Variants in NDUFAF5 observed in about 807,000 individuals in gnomAD.
The protein encoded by NDUFAF5 is NADH:ubiquinone oxidoreductase complex assembly factor 5, also known as arginine-hydroxylase NDUFAF5, mitochondrial.
In NDUFAF5, 34 loss-of-function variants were observed where a neutral mutation model predicts 48.9. The ratio of observed to expected loss-of-function variants is 0.70; its 90% CI spans 0.53 to 0.93. NDUFAF5 has a LOEUF of 0.93. NDUFAF5 is among the 40% of genes least tolerant of loss of function. NDUFAF5 has a pLI of 0.00. For missense variants in NDUFAF5, 428 were observed against 427.5 expected, an observed-to-expected ratio of 1.00 and a Z score of -0.01; for synonymous variants, 153 against 150.6, an observed-to-expected ratio of 1.02 and a Z score of -0.12.
At chr20:13,794,744 T>A (rs1247890931) in intron 4 of NDUFAF5, 94 bp from the exon 5 acceptor site, 1 of 856,948 alleles carries the variant, frequency 1.2e-6, no homozygotes, top group Non-Finnish European at 1.9e-6. Flanking sequence ...GCCAAGTAAA[T>A]ATAACATTGA....
chr20:13,807,948 T>TA (rs11349642), intron 7 of NDUFAF5, among the ~76,000 whole-genome samples: 24 of 148,188 alleles, frequency 1.6e-4, no homozygotes, highest in South Asian at 6.5e-4. Flanking sequence ...GAATCCGTCT[T>TA]AAAAAAAAAA....
rs548118083 is a variant in NDUFAF5, at chr20:13,817,892, C to G, written c.*682C>G. Reference sequence around the variant, plus strand: ...TCCAAGTTCACAGTCCTGTTGTTGTCGAGGAGGGTTCAAAATCATTTGGAG... The same window carrying G: ...TCCAAGTTCACAGTCCTGTTGTTGTGGAGGAGGGTTCAAAATCATTTGGAG... On this transcript the variant is annotated 3_prime_UTR_variant, in exon 11 of 11. Transcript: ENST00000378106. 1.1e-5 allele frequency: 5 copies of G among 453,912 alleles called. No individual in the cohort carries two copies. Among genetic ancestry groups the G allele is most frequent in the Admixed American group, 9.4e-5 (4 of 42,546 alleles). The allele number at this position is 453,912 out of a possible 1,614,324, so 28.1% of individuals were successfully genotyped here. A position where few individuals can be genotyped will look rare whatever the true frequency, so the allele number is the denominator to read the frequency against.
In NDUFAF5 at chr20:13,787,297, C is replaced by T. The variant is rs74421815; in HGVS notation, c.223-15C>T. 0.025 allele frequency: 40,684 copies of T among 1,613,364 alleles called. 681 individuals carry two copies. The highest frequency in any genetic ancestry group is 0.07 in the African/African-American group (5,275 of 74,948). On this transcript the variant is annotated splice_polypyrimidine_tract_variant and intron_variant, in intron 1 of 10. Transcript: ENST00000378106. ...GTTACTTCCCCGTTAACCTACGCCT[C>T]GTGTAATCCTTCAGGTTGGAAGTCG... is the stretch of plus-strand genomic sequence containing the variant.
chr20:13,818,285 G>A lies in NDUFAF5; in HGVS notation c.*1075G>A, dbSNP rs1389454887. 2.2e-6 allele frequency: 1 copy of A among 447,970 alleles called. No individual in the cohort carries two copies. The highest frequency in any genetic ancestry group is 4.5e-6 in the Non-Finnish European group (1 of 224,396). The allele number at this position is 447,970 out of a possible 1,614,324, so 27.7% of individuals were successfully genotyped here. On this transcript the variant is annotated 3_prime_UTR_variant, in exon 11 of 11. Coordinates refer to ENST00000378106, the MANE Select transcript of NDUFAF5 (RefSeq NM_024120.5). ...ACAAACTTGCCCTTTGAAAGACTAAGTTATAGTTAAAAACCAAGATTTGTA... is the reference window on the plus strand; with the variant it reads ...ACAAACTTGCCCTTTGAAAGACTAAATTATAGTTAAAAACCAAGATTTGTA...
At position 13,785,284 on chromosome 20, in the gene NDUFAF5, G is replaced by T; in HGVS notation, c.216G>T (p.Lys72Asn). Residue 72 changes from lysine to asparagine, a missense_variant, in exon 1 of 11, where the codon AAG becomes AAT. Transcript: ENST00000378106. Reference sequence around the variant, plus strand: ...AGCCGACCAAATTTGACTACCTGAAGGAGGAGGTGAGCCCGCGGGGCGGCG... The same window carrying T: ...AGCCGACCAAATTTGACTACCTGAATGAGGAGGTGAGCCCGCGGGGCGGCG... ...QPEPTKFDYL[K>N]EEVGSRIADR... 6.3e-7 allele frequency: 1 copy of T among 1,581,338 alleles called. No individual in the cohort carries two copies.
chr20:13,812,925 A>G (rs1022596610), intron 8 of NDUFAF5: 28 of 152,188 alleles, frequency 1.8e-4, no homozygotes, highest in African/African-American at 6.8e-4. Flanking sequence ...TTCCAAATTG[A>G]TAACCCCCTC....
rs1335031063 is a variant in NDUFAF5 at position 13,785,301 on chromosome 20, G to T, written c.222+11G>T. ...TACCTGAAGGAGGAGGTGAGCCCGC[G>T]GGGCGGCGGGGCGGCGGGGCGGGCG... On this transcript the variant is annotated intron_variant, in intron 1 of 10. Transcript: ENST00000378106. 5.2e-6 allele frequency: 5 copies of T among 970,372 alleles called. No individual in the cohort carries two copies. The African/African-American group carries it at 5.9e-5, about 11-fold the overall frequency. The allele number at this position is 970,372 out of a possible 1,614,324, so 60.1% of individuals were successfully genotyped here.
chr20:13,798,031 T>C (rs1032192183), intron 5 of NDUFAF5, among the ~76,000 whole-genome samples: 1 of 152,220 alleles, frequency 6.6e-6, no homozygotes, highest in Non-Finnish European at 1.5e-5. Flanking sequence ...AATTTTTTTC[T>C]AAGAAAGTCT....
chr20:13,793,839 T>C (rs922841325), intron 4 of NDUFAF5, among the ~76,000 whole-genome samples: 2 of 152,252 alleles, frequency 1.3e-5, no homozygotes, highest in African/African-American at 4.8e-5. Context: ...GACTGAACAA[T>C]GACAAAGGTA....
chr20:13,786,501 T>C (rs142417135), intron 1 of NDUFAF5, among the ~76,000 whole-genome samples: 1 of 149,538 alleles, frequency 6.7e-6, no homozygotes, highest in African/African-American at 2.4e-5. Flanking sequence ...ATATGAGAGT[T>C]CTTTTTATAA....
chr20:13,796,323 T>C (rs777168313), intron 5 of NDUFAF5, among the ~76,000 whole-genome samples: 5 of 152,208 alleles, frequency 3.3e-5, no homozygotes, highest in Non-Finnish European at 5.9e-5. Context: ...ATGAAAAATA[T>C]GCAGAGCCTT....
At chr20:13,788,486 C>T in intron 2 of NDUFAF5, 103 bp from the exon 3 acceptor site, 1 of 871,202 alleles carries the variant, frequency 1.1e-6, no homozygotes, top group Non-Finnish European at 1.9e-6. Context: ...ATGTAACCTT[C>T]TGGAAGTTGT....
chr20:13,816,580 A>G, intron 9 of NDUFAF5, 34 bp downstream of exon 9: 3 of 1,536,804 alleles, frequency 2.0e-6, no homozygotes, highest in Non-Finnish European at 2.7e-6. Flanking sequence ...CCGCCTCACC[A>G]AGGCACTTGT....
chr20:13,801,067 G>C (rs1191309050), intron 6 of NDUFAF5, among the ~76,000 whole-genome samples: 1 of 152,144 alleles, frequency 6.6e-6, no homozygotes, highest in Non-Finnish European at 1.5e-5. Flanking sequence ...AAGATTCAAG[G>C]GGAGGGGAAA....
In NDUFAF5 at chr20:13,794,950, TC is replaced by T; in HGVS notation, c.479+11del. On this transcript the variant is annotated intron_variant, in intron 5 of 10. Transcript: ENST00000378106. Reference sequence around the variant, plus strand: ...GTGGTTAGCAGTTTAAGGTTGGTAATCCACTTTTTAAAAACCATATGTTATA... The same window carrying T: ...GTGGTTAGCAGTTTAAGGTTGGTAATCACTTTTTAAAAACCATATGTTATA... 1 of 1,562,926 alleles carries T rather than the reference TC, an allele frequency of 6.4e-7. No individual in the cohort carries two copies.
Position 13,817,666 on chromosome 20 carries a change from T to C in NDUFAF5, c.*456T>C, listed in dbSNP as rs1429646774. 1.1e-5 allele frequency: 5 copies of C among 454,326 alleles called. No homozygotes were observed. The highest frequency in any genetic ancestry group is 7.8e-5 in the South Asian group (5 of 64,472). The allele number at this position is 454,326 out of a possible 1,614,324, so 28.1% of individuals were successfully genotyped here. A position where few individuals can be genotyped will look rare whatever the true frequency, so the allele number is the denominator to read the frequency against. ...TCCTCAACTCTTTTTTTTTAAAGCA[T>C]CTGAATTTAACCTTATTTCTTTTTT... On this transcript the variant is annotated 3_prime_UTR_variant, in exon 11 of 11. Coordinates refer to ENST00000378106, the MANE Select transcript of NDUFAF5 (RefSeq NM_024120.5).
At chr20:13,800,231 C>T (rs1037184778) in intron 6 of NDUFAF5, among the ~76,000 whole-genome samples, 2 of 151,990 alleles carry the variant, frequency 1.3e-5, no homozygotes, top group Non-Finnish European at 2.9e-5. Flanking sequence ...ATTCTGAGAA[C>T]TAAGTCTTAG....
chr20:13,817,373 A>AAG lies in NDUFAF5; in HGVS notation c.*163_*164insAG. The AAG allele has an allele frequency of 1.4e-6, 1 of 714,634 alleles. No individual in the cohort carries two copies. The highest frequency in any genetic ancestry group is 2.5e-6 in the Non-Finnish European group (1 of 392,888). 44.3% of individuals were successfully genotyped at this position (714,634 alleles called of 1,614,324 possible). ...ATATCACATCTATAGTAACCATTTC[A>AAG]GTTTCATATTGTTTCTGTTCTCATA... On this transcript the variant is annotated 3_prime_UTR_variant, in exon 11 of 11. Transcript: ENST00000378106.
At chr20:13,788,701 A>G in intron 3 of NDUFAF5, 49 bp downstream of exon 3, 1 of 1,216,248 alleles carries the variant, frequency 8.2e-7, no homozygotes, top group Non-Finnish European at 1.2e-6. Context: ...ACATTGGCTA[A>G]TTTTAAAGAA....
Sources: allele counts gnomAD v4.1 joint callset (sites outside exome capture counted in the v4.1 genomes callset), GRCh38; gene constraint gnomAD v4.1.1; transcripts MANE v1.5; gene names NCBI Gene and HGNC (gene_info 2026-07-23, HGNC 2026-07-21).